Variants in BBX observed in about 807,000 individuals in gnomAD.
BBX encodes HMG box transcription factor BBX.
BBX carries 30 observed loss-of-function variants against 100.2 expected under a neutral mutation model. That is an observed-to-expected ratio of 0.30 (90% CI 0.22 to 0.41). The LOEUF (loss-of-function observed/expected upper bound fraction) is 0.41, where lower values mean the gene tolerates loss of function less well. Ranked by LOEUF, BBX falls within the 10% of genes least tolerant of loss-of-function variation. The probability of loss-of-function intolerance (pLI) is 1.00; values close to 1 mark genes in which losing one functional copy is unlikely to be tolerated. For missense variants in BBX, 1,023 were observed against 1,129.8 expected (o/e 0.91, Z 1.35); for synonymous variants, 376 against 388.1 (o/e 0.97, Z 0.37).
intron 3 of BBX, among the ~76,000 whole-genome samples, chr3:107,683,211 T>G (rs1474581632): frequency 6.6e-6 from 1 of 152,140 alleles, no homozygotes. Flanking sequence ...TATTGATTGA[T>G]TTTGCCATCA....
intron 3 of BBX, among the ~76,000 whole-genome samples, chr3:107,663,269 A>C (rs1286081025): frequency 1.3e-5 from 2 of 152,160 alleles, no homozygotes; most frequent in Non-Finnish European, 2.9e-5. Context: ...TACCTTCTCT[A>C]CCATTGTCTG....
At position 107,711,191 on chromosome 3, in the gene BBX, A is replaced by G; in HGVS notation, c.162+569A>G. The G allele has an allele frequency of 7.8e-6, 3 of 385,696 alleles. 1 individual carries two copies. The highest frequency in any genetic ancestry group is 6.4e-5 in the Admixed American group (2 of 31,020). 23.9% of individuals were successfully genotyped at this position (385,696 alleles called of 1,614,324 possible). A position where few individuals can be genotyped will look rare whatever the true frequency, so the allele number is the denominator to read the frequency against. The stretch of plus-strand genomic sequence containing the variant: ...AGTGTTCGTCCCACCCAACTCATTC[A>G]AAGTCAAAAGATTTTCTTCATGGCA... On this transcript the variant is annotated intron_variant, in intron 4 of 17. Coordinates refer to ENST00000325805, the MANE Select transcript of BBX (RefSeq NM_001142568.3).
intron 2 of BBX, among the ~76,000 whole-genome samples, chr3:107,619,638 G>A (rs1196433969): frequency 6.6e-6 from 1 of 151,594 alleles, no homozygotes; most frequent in Non-Finnish European, 1.5e-5. Flanking sequence ...AGTCTTTTGG[G>A]GAAAAATATC....
At chr3:107,729,043 G>C in intron 6 of BBX, 83 bp downstream of exon 6, 1 of 1,413,666 alleles carries the variant, frequency 7.1e-7, no homozygotes, top group East Asian at 2.3e-5. Context: ...CTGAGGGCGG[G>C]GGGACAAAAT....
intron 3 of BBX, among the ~76,000 whole-genome samples, chr3:107,659,017 C>T (rs903602329): frequency 6.6e-6 from 1 of 152,044 alleles, no homozygotes; most frequent in Non-Finnish European, 1.5e-5. Flanking sequence ...TATTACTTTC[C>T]TCCCCTTTTC....
intron 3 of BBX, among the ~76,000 whole-genome samples, chr3:107,692,761 A>C (rs2060270029): frequency 1.3e-5 from 2 of 150,000 alleles, no homozygotes; most frequent in South Asian, 4.4e-4. Context: ...TAGATCCCTG[A>C]GGAATCGCCA....
intron 13 of BBX, among the ~76,000 whole-genome samples, chr3:107,786,200 A>G (rs2068402769): frequency 6.6e-6 from 1 of 152,110 alleles, no homozygotes; most frequent in East Asian, 1.9e-4. Flanking sequence ...TCCCATGTTC[A>G]TGGATTGGAG....
At chr3:107,683,024 A>G (rs1216830289) in intron 3 of BBX, among the ~76,000 whole-genome samples, 1 of 152,176 alleles carries the variant, frequency 6.6e-6, no homozygotes, top group Non-Finnish European at 1.5e-5. Context: ...ACCAAAATGC[A>G]TGGAGACAAA....
At chr3:107,547,823 T>C (rs2049350740) in intron 2 of BBX, among the ~76,000 whole-genome samples, 1 of 152,102 alleles carries the variant, frequency 6.6e-6, no homozygotes, top group African/African-American at 2.4e-5. Context: ...TTCTCTGTTA[T>C]TTGACAAATT....
intron 2 of BBX, among the ~76,000 whole-genome samples, chr3:107,543,056 G>A (rs1359639033): frequency 6.6e-5 from 10 of 152,118 alleles, no homozygotes; most frequent in Non-Finnish European, 5.9e-5. Context: ...AAAAAAGTTA[G>A]TGTTATATTG....
At chr3:107,678,553 G>A (rs559727208) in intron 3 of BBX, among the ~76,000 whole-genome samples, 4 of 152,026 alleles carry the variant, frequency 2.6e-5, no homozygotes, top group South Asian at 4.2e-4. Context: ...GTGAGACCTC[G>A]CTTCTGCAAA....
intron 3 of BBX, among the ~76,000 whole-genome samples, chr3:107,653,086 G>A (rs1425104920): frequency 6.6e-6 from 1 of 152,042 alleles, no homozygotes; most frequent in Non-Finnish European, 1.5e-5. Flanking sequence ...AGCATCTCCT[G>A]GTCTACATGG....
intron 3 of BBX, among the ~76,000 whole-genome samples, chr3:107,657,618 G>A (rs2058223229): frequency 6.6e-6 from 1 of 152,072 alleles, no homozygotes; most frequent in Admixed American, 6.6e-5. Flanking sequence ...TTTAAGTGTG[G>A]GTGTTCACAA....
chr3:107,622,472 A>G (rs745747796), intron 2 of BBX, among the ~76,000 whole-genome samples: 92 of 152,224 alleles, frequency 6.0e-4, no homozygotes, highest in Middle Eastern at 3.2e-3. Flanking sequence ...CATATCCTGT[A>G]CATGCGTGTT....
intron 3 of BBX, among the ~76,000 whole-genome samples, chr3:107,697,199 G>C (rs560647450): frequency 6.6e-6 from 1 of 151,864 alleles, no homozygotes; most frequent in East Asian, 1.9e-4. Flanking sequence ...CTCTCAGCTC[G>C]TCAAAGTCAT....
At chr3:107,611,362 T>TA (rs1382839531) in intron 2 of BBX, among the ~76,000 whole-genome samples, 11 of 152,312 alleles carry the variant, frequency 7.2e-5, no homozygotes, top group African/African-American at 2.4e-4. Context: ...TTCTTGCTCA[T>TA]AATGTCTTTT....
At position 107,810,295 on chromosome 3, in the gene BBX, C is replaced by A. The variant is rs1301067728; in HGVS notation, c.*4838C>A. 2 of 150,962 alleles carry A rather than the reference C, an allele frequency of 1.3e-5. No homozygotes were observed. The highest frequency in any genetic ancestry group is 2.4e-5 in the African/African-American group (1 of 41,004). The allele number at this position is 150,962 out of a possible 1,614,324, so 9.4% of individuals were successfully genotyped here. A position where few individuals can be genotyped will look rare whatever the true frequency, so the allele number is the denominator to read the frequency against. On this transcript the variant is annotated 3_prime_UTR_variant, in exon 18 of 18. Coordinates refer to ENST00000325805, the MANE Select transcript of BBX (RefSeq NM_001142568.3). ...CATACTGTTAAATTGAGAGAGGAAA[C>A]CTTGTGGTTAAAAATTATATGGCTG... is the stretch of plus-strand genomic sequence containing the variant.
At chr3:107,749,121 A>C (rs1022912734) in intron 9 of BBX, among the ~76,000 whole-genome samples, 3 of 152,174 alleles carry the variant, frequency 2.0e-5, no homozygotes, top group Admixed American at 2.0e-4. Context: ...GCTGAGGGCT[A>C]TTGTATAAAA....
intron 7 of BBX, among the ~76,000 whole-genome samples, chr3:107,744,014 T>C (rs989542203): frequency 1.3e-5 from 2 of 150,318 alleles, no homozygotes; most frequent in Non-Finnish European, 3.0e-5. Flanking sequence ...TTTGTAACTT[T>C]CATTTTTTTC....
Sources: allele counts gnomAD v4.1 joint callset (sites outside exome capture counted in the v4.1 genomes callset), GRCh38; gene constraint gnomAD v4.1.1; transcripts MANE v1.5; gene names NCBI Gene and HGNC (gene_info 2026-07-23, HGNC 2026-07-21).